PALM2AKAP2: variants seen among roughly 807,000 people sequenced by gnomAD.
PALM2AKAP2 encodes PALM2 and AKAP2 fusion.
PALM2AKAP2 carries 37 observed loss-of-function variants against 71.5 expected under a neutral mutation model. The ratio of observed to expected loss-of-function variants is 0.52; its 90% CI spans 0.40 to 0.68. The LOEUF is 0.68. Among genes scored for constraint, PALM2AKAP2 ranks in the 30% least tolerant of loss-of-function variants. The pLI, the probability that PALM2AKAP2 is intolerant of heterozygous loss-of-function variation, is 0.00. For synonymous variants in PALM2AKAP2, 468 were observed against 478.8 expected (o/e 0.98, Z 0.29); for missense variants, 1,224 against 1,191.8 (o/e 1.03, Z -0.40).
At chr9:109,723,361 C>A (rs1207792156) in intron 1 of PALM2AKAP2, among the ~76,000 whole-genome samples, 2 of 152,076 alleles carry the variant, frequency 1.3e-5, no homozygotes, top group Non-Finnish European at 1.5e-5. Flanking sequence ...CATGCTGTGT[C>A]CCCCCACCAA....
At chr9:109,669,448 T>C (rs967075849) in intron 1 of PALM2AKAP2, among the ~76,000 whole-genome samples, 1 of 152,148 alleles carries the variant, frequency 6.6e-6, no homozygotes, top group Non-Finnish European at 1.5e-5. Context: ...CAGAGTTATG[T>C]TGGCATCATA....
intron 1 of PALM2AKAP2, among the ~76,000 whole-genome samples, chr9:109,685,084 C>T (rs145050938): frequency 2.0e-5 from 3 of 152,182 alleles, no homozygotes; most frequent in African/African-American, 7.2e-5. Context: ...ATGTGCAATT[C>T]TAGAAGATAC....
At chr9:110,118,067 G>C (rs1835405685) in intron 1 of PALM2AKAP2, among the ~76,000 whole-genome samples, 1 of 148,620 alleles carries the variant, frequency 6.7e-6, no homozygotes, top group African/African-American at 2.5e-5. Flanking sequence ...TGTAGAAAAT[G>C]ATCTATATTC....
intron 1 of PALM2AKAP2, among the ~76,000 whole-genome samples, chr9:110,106,787 A>G (rs1189487588): frequency 6.6e-6 from 1 of 152,220 alleles, no homozygotes; most frequent in Non-Finnish European, 1.5e-5. Context: ...CAGTCCAGAA[A>G]TTGGATTGCC....
intron 1 of PALM2AKAP2, among the ~76,000 whole-genome samples, chr9:110,075,135 C>T (rs1055140296): frequency 5.3e-5 from 8 of 152,176 alleles, no homozygotes; most frequent in East Asian, 1.9e-4. Flanking sequence ...GGCCGAATGT[C>T]GGTGTGCCAG....
At chr9:109,843,324 A>AAAAG (rs1828760510) in intron 1 of PALM2AKAP2, among the ~76,000 whole-genome samples, 1 of 145,608 alleles carries the variant, frequency 6.9e-6, no homozygotes, top group East Asian at 2.0e-4. Flanking sequence ...AAAAAAAAAA[A>AAAAG]GAAGAAGACT....
At chr9:109,976,474 G>C (rs1832175061) in intron 6 of PALM2AKAP2, among the ~76,000 whole-genome samples, 1 of 152,210 alleles carries the variant, frequency 6.6e-6, no homozygotes, top group East Asian at 1.9e-4. Flanking sequence ...GGATTACTCA[G>C]CTCTGAGAGG....
intron 7 of PALM2AKAP2, among the ~76,000 whole-genome samples, chr9:110,027,304 A>T (rs1833198594): frequency 6.6e-6 from 1 of 152,164 alleles, no homozygotes; most frequent in Non-Finnish European, 1.5e-5. Context: ...ATAAAATGAC[A>T]TCAAGTAATC....
At chr9:109,837,966 T>C (rs1828528202) in intron 1 of PALM2AKAP2, among the ~76,000 whole-genome samples, 1 of 152,060 alleles carries the variant, frequency 6.6e-6, no homozygotes. Flanking sequence ...ATTAGACAGA[T>C]AACGAGACAG....
intron 3 of PALM2AKAP2, among the ~76,000 whole-genome samples, chr9:109,901,406 C>G (rs1250416396): frequency 6.6e-6 from 1 of 152,138 alleles, no homozygotes; most frequent in Non-Finnish European, 1.5e-5. Context: ...ACAGGGAGGA[C>G]ACAGTTGATT....
intron 1 of PALM2AKAP2, among the ~76,000 whole-genome samples, chr9:110,108,091 C>G (rs1169497170): frequency 1.4e-5 from 2 of 138,162 alleles, no homozygotes; most frequent in South Asian, 4.6e-4. Context: ...TTTTTTTTTG[C>G]TTTGTGCCTT....
intron 3 of PALM2AKAP2, among the ~76,000 whole-genome samples, chr9:109,893,461 T>G (rs1252128496): frequency 6.6e-6 from 1 of 152,108 alleles, no homozygotes; most frequent in African/African-American, 2.4e-5. Flanking sequence ...TTGTTTTGTT[T>G]TTGAGACAGT....
intron 6 of PALM2AKAP2, among the ~76,000 whole-genome samples, chr9:109,952,696 C>A (rs145191046): frequency 6.6e-6 from 1 of 152,332 alleles, no homozygotes; most frequent in East Asian, 1.9e-4. Context: ...TCATCTTACA[C>A]AGTGAATGGC....
At chr9:109,996,092 C>A (rs1321764133) in intron 6 of PALM2AKAP2, among the ~76,000 whole-genome samples, 1 of 152,186 alleles carries the variant, frequency 6.6e-6, no homozygotes, top group Non-Finnish European at 1.5e-5. Context: ...CCTGTCACCA[C>A]CTGCTGTTTT....
chr9:110,154,406 G>A (rs1033557219), intron 2 of PALM2AKAP2, among the ~76,000 whole-genome samples: 5 of 152,122 alleles, frequency 3.3e-5, no homozygotes, highest in African/African-American at 4.8e-5. Context: ...AAAGTCAATC[G>A]GAATTTTCAG....
chr9:109,741,332 A>G (rs960365944), intron 1 of PALM2AKAP2, among the ~76,000 whole-genome samples: 1 of 152,210 alleles, frequency 6.6e-6, no homozygotes, highest in Admixed American at 6.5e-5. Context: ...GTGTAATTAT[A>G]TCACCACAAG....
intron 1 of PALM2AKAP2, among the ~76,000 whole-genome samples, chr9:110,117,757 C>T (rs913328223): frequency 2.6e-5 from 4 of 152,008 alleles, no homozygotes; most frequent in Non-Finnish European, 4.4e-5. Context: ...ATGACCTTAT[C>T]GCCTCTTCAA....
intron 1 of PALM2AKAP2, among the ~76,000 whole-genome samples, chr9:110,072,283 G>C (rs866087734): frequency 3.3e-5 from 5 of 152,142 alleles, no homozygotes; most frequent in Admixed American, 6.5e-5. Flanking sequence ...AACTCAAGCT[G>C]CCCACTGTTG....
At chr9:110,120,916 T>A (rs1349222616) in intron 1 of PALM2AKAP2, among the ~76,000 whole-genome samples, 1 of 152,202 alleles carries the variant, frequency 6.6e-6, no homozygotes, top group Non-Finnish European at 1.5e-5. Context: ...ATTTTTTTTT[T>A]TATAAAATAG....
Sources: allele counts gnomAD v4.1 joint callset (sites outside exome capture counted in the v4.1 genomes callset), GRCh38; gene constraint gnomAD v4.1.1; transcripts MANE v1.5; gene names NCBI Gene and HGNC (gene_info 2026-07-23, HGNC 2026-07-21).